Variants in SLC4A7 observed in about 807,000 individuals in gnomAD.
SLC4A7 encodes sodium bicarbonate cotransporter 3.
A neutral mutation model predicts 137.6 loss-of-function variants in SLC4A7; 51 were observed. The ratio of observed to expected loss-of-function variants is 0.37; its 90% CI spans 0.30 to 0.47. The LOEUF (loss-of-function observed/expected upper bound fraction) is 0.47, where lower values mean the gene tolerates loss of function less well. Among genes scored for constraint, SLC4A7 ranks in the 20% least tolerant of loss-of-function variants. SLC4A7 has a pLI of 1.00. For missense variants in SLC4A7, 1,247 were observed against 1,525.4 expected (o/e 0.82, Z 3.04); for synonymous variants, 542 against 518.6 (o/e 1.05, Z -0.61).
At chr3:27,387,090 T>C (rs979632418) in intron 22 of SLC4A7, among the ~76,000 whole-genome samples, 2 of 152,210 alleles carry the variant, frequency 1.3e-5, no homozygotes, top group Non-Finnish European at 2.9e-5. Flanking sequence ...TTCTATATTA[T>C]GGTGGCTACA....
chr3:27,394,799 TA>T (rs1559650753), intron 19 of SLC4A7, 30 bp from the exon 20 acceptor site: 1 of 1,606,182 alleles, frequency 6.2e-7, no homozygotes, highest in East Asian at 2.2e-5. Context: ...TAAATATCTG[TA>T]AGTCTAAATG....
chr3:27,447,158 T>G (rs1174332941), intron 3 of SLC4A7, among the ~76,000 whole-genome samples: 8 of 151,922 alleles, frequency 5.3e-5, no homozygotes, highest in Non-Finnish European at 7.4e-5. Context: ...AGTACTGCAA[T>G]TGCAAGCGTG....
intron 3 of SLC4A7, among the ~76,000 whole-genome samples, chr3:27,438,231 G>A (rs1052866932): frequency 2.7e-5 from 4 of 150,564 alleles, no homozygotes; most frequent in Admixed American, 1.3e-4. Context: ...ATGTGGCCGG[G>A]CACAGTGGCT....
Position 27,425,676 on chromosome 3 carries a change from CAAAAAAAAAA to C in SLC4A7, c.1151-1534_1151-1525del, listed in dbSNP as rs59895795. On this transcript the variant is annotated intron_variant, in intron 7 of 25. Transcript: ENST00000454389. ...GGGCAACAAGAGCAAAACTCTGTCT[CAAAAAAAAAA>C]AAAAAAAAAAAAAAAAAAAATTTAA... Among the ~76,000 whole-genome samples the C allele has an allele frequency of 2.0e-4, 12 of 61,492 alleles. No individual in the cohort carries two copies. The South Asian group carries it at 3.7e-3, about 19-fold the overall frequency. 40.3% of individuals were successfully genotyped at this position (61,492 alleles called of 152,430 possible).
At chr3:27,474,430 TC>T (rs1331707645) in intron 1 of SLC4A7, among the ~76,000 whole-genome samples, 7 of 152,214 alleles carry the variant, frequency 4.6e-5, no homozygotes, top group African/African-American at 1.7e-4. Context: ...AAATATTTTG[TC>T]AAAATGGTTA....
At chr3:27,445,313 T>A (rs1173248116) in intron 3 of SLC4A7, among the ~76,000 whole-genome samples, 1 of 152,122 alleles carries the variant, frequency 6.6e-6, no homozygotes, top group Non-Finnish European at 1.5e-5. Flanking sequence ...TTCTAGCCTC[T>A]TTGACCTCCC....
At chr3:27,476,676 C>A (rs35536598) in intron 1 of SLC4A7, among the ~76,000 whole-genome samples, 55,663 of 151,774 alleles carry the variant, frequency 0.37, 10,512 homozygotes, top group South Asian at 0.45. Context: ...AGTGTGTAGC[C>A]CTTCCCACTT....
intron 1 of SLC4A7, among the ~76,000 whole-genome samples, chr3:27,463,752 C>T (rs2058825202): frequency 6.6e-6 from 1 of 152,166 alleles, no homozygotes; most frequent in Admixed American, 6.5e-5. Flanking sequence ...CTGACCCCTC[C>T]TGTTCCGGGA....
chr3:27,384,172 A>G (rs1392833469), intron 23 of SLC4A7, among the ~76,000 whole-genome samples: 1 of 152,134 alleles, frequency 6.6e-6, no homozygotes, highest in East Asian at 1.9e-4. Flanking sequence ...TCCTAAAAAC[A>G]AACAAACAAA....
chr3:27,437,656 T>A, intron 3 of SLC4A7, 130 bp from the exon 4 acceptor site: 1 of 435,808 alleles, frequency 2.3e-6, no homozygotes, highest in Non-Finnish European at 3.9e-6. Flanking sequence ...ACTCTCTTAA[T>A]TATTGAACTA....
At chr3:27,436,355 TTACA>T in intron 5 of SLC4A7, 29 bp downstream of exon 5, 2 of 1,552,268 alleles carry the variant, frequency 1.3e-6, no homozygotes, top group Non-Finnish European at 8.9e-7. Flanking sequence ...CCACTACACC[TTACA>T]TATTTTTTAA....
rs148711912 is a variant in SLC4A7 at position 27,431,950 on chromosome 3, G to C, written c.779-281C>G. 4.2e-3 allele frequency among the ~76,000 whole-genome samples: 632 copies of C among 152,190 alleles called. 9 individuals carry two copies. In the South Asian group the frequency reaches 0.054, roughly 13 times the overall value. On this transcript the variant is annotated intron_variant, in intron 6 of 25. Coordinates refer to ENST00000454389, the MANE Select transcript of SLC4A7 (RefSeq NM_001321103.2). ...AGAAATTAGAATGACCAATAGCATG[G>C]CATTTTTAAAAAGGACAATATCAAT...
At chr3:27,415,766 G>A (rs182678515) in intron 11 of SLC4A7, among the ~76,000 whole-genome samples, 3 of 152,038 alleles carry the variant, frequency 2.0e-5, no homozygotes, top group Non-Finnish European at 4.4e-5. Context: ...TTTCTTGGTC[G>A]TATCAGAATC....
chr3:27,456,624 A>G (rs376622889), intron 1 of SLC4A7: 1 of 1,447,942 alleles, frequency 6.9e-7, no homozygotes, highest in Non-Finnish European at 9.7e-7. Context: ...TTGTAAATAA[A>G]AGACAAGATC....
chr3:27,391,868 A>T (rs2051592658), intron 20 of SLC4A7, 60 bp from the exon 21 acceptor site: 1 of 960,014 alleles, frequency 1.0e-6, no homozygotes, highest in Admixed American at 2.4e-5. Context: ...AAACATAATC[A>T]GTGAGTAATT....
chr3:27,480,944 C>T (rs972225549), intron 1 of SLC4A7, among the ~76,000 whole-genome samples: 4 of 152,174 alleles, frequency 2.6e-5, no homozygotes, highest in African/African-American at 9.7e-5. Context: ...ACTATATCCC[C>T]ATTACCTGGC....
chr3:27,447,980 G>A (rs540492905), intron 3 of SLC4A7, among the ~76,000 whole-genome samples: 376 of 152,106 alleles, frequency 2.5e-3, no homozygotes, highest in Non-Finnish European at 4.5e-3. Context: ...GGGAGGCTGA[G>A]GCAGGTGGAT....
intron 13 of SLC4A7, among the ~76,000 whole-genome samples, chr3:27,409,016 C>T (rs937050909): frequency 1.6e-4 from 24 of 152,288 alleles, no homozygotes; most frequent in Non-Finnish European, 3.1e-4. Flanking sequence ...TGATAAAAAC[C>T]CCCATGACCC....
At chr3:27,380,292 G>A (rs1177369021) in intron 24 of SLC4A7, among the ~76,000 whole-genome samples, 1 of 142,492 alleles carries the variant, frequency 7.0e-6, no homozygotes. Context: ...AGGCGACAGA[G>A]CAAGACTCCA....
Sources: gnomAD v4.1 joint callset for allele counts (sites outside exome capture counted in the v4.1 genomes callset) on GRCh38, gnomAD v4.1.1 for gene constraint, MANE v1.5 for transcripts, NCBI Gene and HGNC (gene_info 2026-07-23, HGNC 2026-07-21) for gene names.